The following WDR25 variants were observed in gnomAD, a reference collection of about 807,000 sequenced individuals.
WDR25 encodes WD repeat domain 25.
In WDR25, 35 loss-of-function variants were observed where a neutral mutation model predicts 47.7. That is an observed-to-expected ratio of 0.73 (90% CI 0.56 to 0.97). The LOEUF (loss-of-function observed/expected upper bound fraction) is 0.97, where lower values mean the gene tolerates loss of function less well. Ranked by LOEUF, WDR25 falls within the 50% of genes least tolerant of loss-of-function variation. WDR25 has a pLI of 0.00. For missense variants in WDR25, 634 were observed against 704.7 expected, an observed-to-expected ratio of 0.90 and a Z score of 1.14; for synonymous variants, 248 against 278.9, an observed-to-expected ratio of 0.89 and a Z score of 1.10.
intron 2 of WDR25, among the ~76,000 whole-genome samples, chr14:100,383,694 A>T (rs940689141): frequency 2.8e-4 from 43 of 152,334 alleles, no homozygotes; most frequent in African/African-American, 9.6e-4. Context: ...AAGCATCCCC[A>T]TGGTAGTTTT....
At chr14:100,459,882 A>ACGGATATATATATATCCGTATATG (rs1899322475) in intron 2 of WDR25, among the ~76,000 whole-genome samples, 1 of 72,018 alleles carries the variant, frequency 1.4e-5, no homozygotes, top group Non-Finnish European at 2.6e-5. Context: ...ATATCCGTAT[A>ACGGATATATATATATCCGTATATG]TGTGTGTGTG....
intron 2 of WDR25, among the ~76,000 whole-genome samples, chr14:100,415,953 C>T (rs1897857002): frequency 1.3e-5 from 2 of 152,228 alleles, no homozygotes; most frequent in Admixed American, 6.5e-5. Flanking sequence ...GTCCTCCCTG[C>T]TCTGCCGCTG....
chr14:100,472,432 T>TG (rs1899872203), intron 3 of WDR25, among the ~76,000 whole-genome samples: 1 of 152,256 alleles, frequency 6.6e-6, no homozygotes, highest in Non-Finnish European at 1.5e-5. Flanking sequence ...CACCTGGTGC[T>TG]GGGGCTGTTG....
intron 2 of WDR25, among the ~76,000 whole-genome samples, chr14:100,422,086 T>C (rs1898042659): frequency 6.6e-6 from 1 of 152,268 alleles, no homozygotes; most frequent in African/African-American, 2.4e-5. Flanking sequence ...CAATAATGTT[T>C]ATTTTGCTTC....
chr14:100,463,000 TC>T lies in WDR25; in HGVS notation c.823-5020del, dbSNP rs1899475024. Reference sequence around the variant, plus strand: ...TCCTTTTTCCCTTCTCCCCTTCTCTTCTCTCCCCCTTCCTCTCCCCCTTGCT... The same window carrying T: ...TCCTTTTTCCCTTCTCCCCTTCTCTTTCTCCCCCTTCCTCTCCCCCTTGCT... On this transcript the variant is annotated intron_variant, in intron 2 of 6. Transcript: ENST00000402312. 1.5e-4 allele frequency among the ~76,000 whole-genome samples: 4 copies of T among 26,236 alleles called. No individual in the cohort carries two copies. In the African/African-American group the frequency reaches 2.1e-3, roughly 14 times the overall value. The allele number at this position is 26,236 out of a possible 152,430, so 17.2% of individuals were successfully genotyped here.
intron 2 of WDR25, among the ~76,000 whole-genome samples, chr14:100,447,295 T>G (rs2140257229): frequency 6.6e-6 from 1 of 152,324 alleles, no homozygotes; most frequent in Admixed American, 6.5e-5. Context: ...TTCTCAGAAA[T>G]GGACTGGAGA....
chr14:100,410,079 T>C (rs1897662018), intron 2 of WDR25, among the ~76,000 whole-genome samples: 1 of 152,220 alleles, frequency 6.6e-6, no homozygotes, highest in African/African-American at 2.4e-5. Context: ...AAAATAAGAA[T>C]AGTCTTGGCC....
At chr14:100,495,880 C>T (rs536229424) in intron 4 of WDR25, among the ~76,000 whole-genome samples, 6 of 152,284 alleles carry the variant, frequency 3.9e-5, no homozygotes, top group East Asian at 1.9e-4. Context: ...AGGTGATGGA[C>T]GTTTGCATTG....
Position 100,525,793 on chromosome 14 carries a change from G to A in WDR25, c.1102-77G>A. ...ACTTCACTAAACCTGCCTGCCCCCT[G>A]GGTCCTTGGCCTTCCCTGCATAGGC... On this transcript the variant is annotated intron_variant, in intron 4 of 6. Transcript: ENST00000402312. This position sits in a 1 kb window ranked among gnomAD's most constrained non-coding sequence, Gnocchi z 4.6. 1.9e-6 allele frequency: 3 copies of A among 1,550,796 alleles called. No individual in the cohort carries two copies. The highest frequency in any genetic ancestry group is 2.6e-6 in the Non-Finnish European group (3 of 1,145,768).
At chr14:100,458,203 A>G (rs944061072) in intron 2 of WDR25, among the ~76,000 whole-genome samples, 1 of 152,144 alleles carries the variant, frequency 6.6e-6, no homozygotes, top group Non-Finnish European at 1.5e-5. Flanking sequence ...AAAAAGATAT[A>G]TCATACTAAT....
intron 4 of WDR25, among the ~76,000 whole-genome samples, chr14:100,517,079 A>G (rs1262639284): frequency 4.3e-5 from 6 of 138,718 alleles, no homozygotes; most frequent in African/African-American, 8.2e-5. Context: ...CACAGGCATG[A>G]GCCACTGCAC....
intron 4 of WDR25, chr14:100,487,469 T>C (rs565700440): frequency 1.6e-4 from 24 of 152,246 alleles, no homozygotes; most frequent in Admixed American, 5.2e-4. Flanking sequence ...AGTAGCAGAG[T>C]GGACTCATTG....
chr14:100,405,696 A>G (rs980282558), intron 2 of WDR25, among the ~76,000 whole-genome samples: 6 of 152,248 alleles, frequency 3.9e-5, no homozygotes, highest in African/African-American at 1.4e-4. Context: ...GGTGGCCTGC[A>G]GGGCCTAGCT....
At chr14:100,513,991 A>G (rs1901402313) in intron 4 of WDR25, among the ~76,000 whole-genome samples, 1 of 149,280 alleles carries the variant, frequency 6.7e-6, no homozygotes, top group Non-Finnish European at 1.5e-5. Context: ...GCAGGAGTGC[A>G]GTGGCGCAAT....
chr14:100,433,669 C>A (rs769131473), intron 2 of WDR25, among the ~76,000 whole-genome samples: 1 of 152,140 alleles, frequency 6.6e-6, no homozygotes, highest in Non-Finnish European at 1.5e-5. Flanking sequence ...TCATTCCCCC[C>A]CCATTAGTCT....
intron 2 of WDR25, among the ~76,000 whole-genome samples, chr14:100,399,923 A>C (rs1595500804): frequency 1.3e-5 from 2 of 152,340 alleles, no homozygotes; most frequent in East Asian, 3.9e-4. Context: ...CCAGATGAGG[A>C]GGGTACGGGT....
At chr14:100,514,873 A>G (rs1179056474) in intron 4 of WDR25, among the ~76,000 whole-genome samples, 2 of 152,020 alleles carry the variant, frequency 1.3e-5, no homozygotes, top group East Asian at 3.8e-4. Context: ...TTCCTTTAAC[A>G]TTTCCTGTAT....
rs1249690799 is a variant in WDR25 at position 100,440,864 on chromosome 14, A to T, written c.823-27157A>T. ...ATACCAGGCTGTCATTTGGCCAGAGATTGTCTGCACTGGGATTGTTCCCCC... is the reference window on the plus strand; with the variant it reads ...ATACCAGGCTGTCATTTGGCCAGAGTTTGTCTGCACTGGGATTGTTCCCCC... On this transcript the variant is annotated intron_variant, in intron 2 of 6. Transcript: ENST00000402312. The surrounding 1 kb of genome is among the most constrained non-coding windows in gnomAD (Gnocchi z 4.4). Among the ~76,000 whole-genome samples the T allele has an allele frequency of 6.6e-6, 1 of 152,172 alleles. No individual in the cohort carries two copies. The highest frequency in any genetic ancestry group is 1.5e-5 in the Non-Finnish European group (1 of 68,026).
chr14:100,525,992 TGCCTGG>T lies in WDR25; in HGVS notation c.1226_1231del (p.Ala409_Trp410del). The T allele has an allele frequency of 6.2e-7, 1 of 1,614,102 alleles. No individual in the cohort carries two copies. Among genetic ancestry groups the T allele is most frequent in the Non-Finnish European group, 8.5e-7 (1 of 1,179,974 alleles). On this transcript the variant is annotated inframe_deletion, in exon 5 of 7. Coordinates refer to ENST00000402312, the MANE Select transcript of WDR25 (RefSeq NM_001161476.3). The surrounding 1 kb of genome is among the most constrained non-coding windows in gnomAD (Gnocchi z 4.6). ...GGGACTCAGCTGACCGCACCATTAT[TGCCTGG>T]GATTTCCGGACCTCTGCCAAAATCT...
Sources: gnomAD v4.1 joint callset for allele counts (sites outside exome capture counted in the v4.1 genomes callset) on GRCh38, gnomAD v4.1.1 for gene constraint, Gnocchi (gnomAD v3.1) non-coding constraint, MANE v1.5 for transcripts, NCBI Gene and HGNC (gene_info 2026-07-23, HGNC 2026-07-21) for gene names.